The following MEF2C variants were observed in gnomAD, a reference collection of about 807,000 sequenced individuals.
MEF2C encodes myocyte-specific enhancer factor 2C.
A neutral mutation model predicts 50.5 loss-of-function variants in MEF2C; 6 were observed. That is an observed-to-expected ratio of 0.12 (90% CI 0.07 to 0.23). MEF2C has a LOEUF of 0.23. Ranked by LOEUF, MEF2C falls within the 10% of genes least tolerant of loss-of-function variation. MEF2C has a pLI of 1.00. For missense variants in MEF2C, 276 were observed against 605.0 expected (o/e 0.46, Z 5.70); for synonymous variants, 183 against 228.0 (o/e 0.80, Z 1.78).
At position 88,871,797 on chromosome 5, in the gene MEF2C, T is replaced by C. The variant is rs977251285; in HGVS notation, c.-143+11158A>G. On this transcript the variant is annotated intron_variant, in intron 1 of 10. Transcript: ENST00000504921. ...TTCTGCATTTTCTATACTTTATGTTTTTTTCTTACATAAATAAAAATACCC... is the reference window on the plus strand; with the variant it reads ...TTCTGCATTTTCTATACTTTATGTTCTTTTCTTACATAAATAAAAATACCC... Among the ~76,000 whole-genome samples the C allele has an allele frequency of 9.2e-5, 14 of 152,216 alleles. No homozygotes were observed. In the East Asian group the frequency reaches 2.5e-3, roughly 27 times the overall value.
intron 3 of MEF2C, among the ~76,000 whole-genome samples, chr5:88,763,589 T>A (rs1295415847): frequency 6.6e-6 from 1 of 152,148 alleles, no homozygotes; most frequent in African/African-American, 2.4e-5. Context: ...ATATGTCAGA[T>A]CAAGAAAATA....
intron 1 of MEF2C, among the ~76,000 whole-genome samples, chr5:88,841,608 T>A (rs891479517): frequency 6.6e-6 from 1 of 152,176 alleles, no homozygotes; most frequent in African/African-American, 2.4e-5. Context: ...ATTTGTTTTG[T>A]TTCTTAGTAT....
Position 88,736,709 on chromosome 5 carries a change from T to C in MEF2C, c.638-4808A>G, listed in dbSNP as rs1269960373. ...TTTCTGAACTGCTACTTCCATCATG[T>C]TCCTTTTTCATACATGAGTGCTTAA... is the stretch of plus-strand genomic sequence containing the variant. On this transcript the variant is annotated intron_variant, in intron 6 of 10. Transcript: ENST00000504921. 3 of 985,248 alleles carry C rather than the reference T, an allele frequency of 3.0e-6. No homozygotes were observed. In the African/African-American group the frequency reaches 5.2e-5, roughly 17 times the overall value. 61.0% of individuals were successfully genotyped at this position (985,248 alleles called of 1,614,324 possible). A position where few individuals can be genotyped will look rare whatever the true frequency, so the allele number is the denominator to read the frequency against.
At chr5:88,850,827 A>G (rs1821052800) in intron 1 of MEF2C, among the ~76,000 whole-genome samples, 1 of 152,046 alleles carries the variant, frequency 6.6e-6, no homozygotes, top group African/African-American at 2.4e-5. Flanking sequence ...GTCCACTTAC[A>G]CATGAATTTT....
At chr5:88,762,770 G>A (rs1276371649) in intron 3 of MEF2C, among the ~76,000 whole-genome samples, 8 of 151,950 alleles carry the variant, frequency 5.3e-5, no homozygotes, top group African/African-American at 1.9e-4. Flanking sequence ...GCATACCTAA[G>A]TGTCTCTCAT....
At chr5:88,894,730 A>G (rs1368557273) in intron 1 of MEF2C, among the ~76,000 whole-genome samples, 2 of 152,250 alleles carry the variant, frequency 1.3e-5, no homozygotes, top group African/African-American at 2.4e-5. Context: ...ATGATTTTAT[A>G]ACCTTTAAGG....
chr5:88,860,749 T>C lies in MEF2C; in HGVS notation c.-143+22206A>G, dbSNP rs576722718. 1.2e-4 allele frequency among the ~76,000 whole-genome samples: 19 copies of C among 152,282 alleles called. No individual in the cohort carries two copies. In the South Asian group the frequency reaches 3.9e-3, roughly 32 times the overall value. ...ATTTGCTGTGGTTGGCATGACCTAATTCTGGCTTGAAAGGTACATTTTTCC... is the reference window on the plus strand; with the variant it reads ...ATTTGCTGTGGTTGGCATGACCTAACTCTGGCTTGAAAGGTACATTTTTCC... On this transcript the variant is annotated intron_variant, in intron 1 of 10. Transcript: ENST00000504921.
chr5:88,722,818 G>C lies in MEF2C; in HGVS notation c.1208C>G (p.Thr403Ser). The C allele has an allele frequency of 2.5e-6, 4 of 1,614,026 alleles. No homozygotes were observed. The highest frequency in any genetic ancestry group is 3.4e-6 in the Non-Finnish European group (4 of 1,179,890). ...EPVSPPRDRT[T>S]TPSRYPQHTR... ...GTGTTGTGGGTATCTCGAAGGGGTGGTGGTACGGTCTCTAGGAGGAGAAAC... is the reference window on the plus strand; with the variant it reads ...GTGTTGTGGGTATCTCGAAGGGGTGCTGGTACGGTCTCTAGGAGGAGAAAC... Residue 403 changes from threonine (T) to serine (S), a missense_variant, in exon 11 of 11, where the codon ACC becomes AGC. By Grantham distance (58) the Thr-to-Ser change is moderately conservative (BLOSUM62 1). Transcript: ENST00000504921.
Position 88,747,410 on chromosome 5 carries a change from G to A in MEF2C, c.637+1660C>T, listed in dbSNP as rs1446613352. On this transcript the variant is annotated intron_variant, in intron 6 of 10. Coordinates refer to ENST00000504921, the MANE Select transcript of MEF2C (RefSeq NM_002397.5). ...GTCGCCCAGGCTGGAGTGCAGTGGCGGGATCTCGGCTCACTGCAAGCTCTG... is the reference window on the plus strand; with the variant it reads ...GTCGCCCAGGCTGGAGTGCAGTGGCAGGATCTCGGCTCACTGCAAGCTCTG... Among the ~76,000 whole-genome samples, 4 of 22,190 alleles carry A rather than the reference G, an allele frequency of 1.8e-4. 1 individual carries two copies. Among genetic ancestry groups the A allele is most frequent in the Non-Finnish European group, 5.8e-4 (3 of 5,164 alleles). 14.6% of individuals were successfully genotyped at this position (22,190 alleles called of 152,430 possible).
rs138253313 is a variant in MEF2C at position 88,868,412 on chromosome 5, G to A, written c.-143+14543C>T. Among the ~76,000 whole-genome samples the A allele has an allele frequency of 2.5e-3, 388 of 152,266 alleles. 1 individual carries two copies. The highest frequency in any genetic ancestry group is 9.0e-3 in the African/African-American group (376 of 41,554). ...GATGATATTTACACTTTGAGTGATA[G>A]AAGATTTTAAGGATTAGTAAATCAG... On this transcript the variant is annotated intron_variant, in intron 1 of 10. Coordinates refer to ENST00000504921, the MANE Select transcript of MEF2C (RefSeq NM_002397.5).
Position 88,891,528 on chromosome 5 carries a change from G to A in MEF2C, c.-239-3930C>T, listed in dbSNP as rs1362257478. Reference sequence around the variant, plus strand: ...TGCCATTCTCCTGCCTCAGCCTCCCGAGTAGCTGGGACTACAGGCGTCCAC... The same window carrying A: ...TGCCATTCTCCTGCCTCAGCCTCCCAAGTAGCTGGGACTACAGGCGTCCAC... On this transcript the variant is annotated intron_variant, in intron 1 of 11. Coordinates refer to the MEF2C transcript ENST00000340208. Among the ~76,000 whole-genome samples, 4 of 149,688 alleles carry A rather than the reference G, an allele frequency of 2.7e-5. No homozygotes were observed. In the South Asian group the frequency reaches 6.4e-4, roughly 24 times the overall value.
rs75869873 is a variant in MEF2C at position 88,903,081 on chromosome 5, A to G, written c.-240+835T>C. 0.011 allele frequency among the ~76,000 whole-genome samples: 1,686 copies of G among 152,160 alleles called. 56 individuals are homozygous for G. The East Asian group carries it at 0.13, about 11-fold the overall frequency. On this transcript the variant is annotated intron_variant, in intron 1 of 11. Coordinates refer to the MEF2C transcript ENST00000340208. ...TCACTTTTTAAAAATATGTCCTAAC[A>G]TGTGGTCTCATTTTTTCATGTTTTG...
chr5:88,801,202 G>A (rs1798165551), intron 3 of MEF2C, among the ~76,000 whole-genome samples: 1 of 152,106 alleles, frequency 6.6e-6, no homozygotes, highest in Admixed American at 6.5e-5. Context: ...AGAGGGTTAA[G>A]GAAGAGGGGT....
At chr5:88,789,955 G>T (rs1325157430) in intron 3 of MEF2C, among the ~76,000 whole-genome samples, 1 of 152,164 alleles carries the variant, frequency 6.6e-6, no homozygotes, top group Non-Finnish European at 1.5e-5. Context: ...TAATGAAAAA[G>T]TTATGGGTAC....
chr5:88,748,970 A>T, intron 6 of MEF2C, 100 bp downstream of exon 6: 4 of 1,542,310 alleles, frequency 2.6e-6, no homozygotes, highest in Non-Finnish European at 3.5e-6. Context: ...CCTCTCACAG[A>T]TCTCTTAACT....
intron 1 of MEF2C, among the ~76,000 whole-genome samples, chr5:88,881,713 A>G (rs1832894780): frequency 7.4e-6 from 1 of 135,826 alleles, no homozygotes; most frequent in South Asian, 2.4e-4. Context: ...TGCCAGTGAA[A>G]GTAGGCTAGT....
At chr5:88,780,563 A>T (rs1171662312) in intron 3 of MEF2C, among the ~76,000 whole-genome samples, 1 of 152,152 alleles carries the variant, frequency 6.6e-6, no homozygotes, top group African/African-American at 2.4e-5. Context: ...AATACATTAG[A>T]GTGTTCCTGG....
At chr5:88,814,330 T>C (rs189861509) in intron 2 of MEF2C, among the ~76,000 whole-genome samples, 1 of 152,148 alleles carries the variant, frequency 6.6e-6, no homozygotes, top group East Asian at 1.9e-4. Flanking sequence ...AGACTTGTGT[T>C]CTAGACAAGC....
At chr5:88,845,319 G>GA (rs1326548674) in intron 1 of MEF2C, among the ~76,000 whole-genome samples, 24 of 152,260 alleles carry the variant, frequency 1.6e-4, no homozygotes, top group African/African-American at 5.1e-4. Context: ...CCACATTATG[G>GA]AAAAAACTCT....
Sources: allele counts gnomAD v4.1 joint callset (sites outside exome capture counted in the v4.1 genomes callset), GRCh38; gene constraint gnomAD v4.1.1; transcripts MANE v1.5; gene names NCBI Gene and HGNC (gene_info 2026-07-23, HGNC 2026-07-21).